ATG14: variants seen among roughly 807,000 people sequenced by gnomAD.
The protein encoded by ATG14 is autophagy related 14, also known as beclin 1-associated autophagy-related key regulator.
ATG14 carries 35 observed loss-of-function variants against 60.4 expected under a neutral mutation model. The observed-to-expected ratio is 0.58, with a 90% CI of 0.44 to 0.77. ATG14 has a LOEUF of 0.77. ATG14 is among the 30% of genes least tolerant of loss of function. The probability of loss-of-function intolerance (pLI) is 0.00; values close to 1 mark genes in which losing one functional copy is unlikely to be tolerated. For synonymous variants in ATG14, 234 were observed against 228.8 expected, an observed-to-expected ratio of 1.02 and a Z score of -0.21; for missense variants, 647 against 626.3, an observed-to-expected ratio of 1.03 and a Z score of -0.35.
chr14:55,372,909 C>A (rs145412109), intron 9 of ATG14, among the ~76,000 whole-genome samples: 1 of 152,136 alleles, frequency 6.6e-6, no homozygotes, highest in Non-Finnish European at 1.5e-5. Context: ...CAGCTAAGTA[C>A]AATGAAAAGC....
At chr14:55,397,943 CTTTTTT>C (rs928087584) in intron 1 of ATG14, among the ~76,000 whole-genome samples, 1 of 105,558 alleles carries the variant, frequency 9.5e-6, no homozygotes, top group African/African-American at 3.9e-5. Flanking sequence ...TGCAGTAATT[CTTTTTT>C]TTTTTTTTTT....
Position 55,378,004 on chromosome 14 carries a change from G to C in ATG14, c.1066C>G (p.Leu356Val). 6.2e-7 allele frequency: 1 copy of C among 1,611,916 alleles called. No homozygotes were observed. Among genetic ancestry groups the C allele is most frequent in the South Asian group, 1.1e-5 (1 of 90,840 alleles). Reference protein sequence around the residue: ...RAVKKLNANILYLCFSQHVNL... With the variant: ...RAVKKLNANIVYLCFSQHVNL... ...CATACCTGAGAAAAACAAAGGTAAA[G>C]AATATTTGCATTCAGTTTCTTCACT... The change falls in exon 8 of 10, where the codon CTT becomes GTT. Residue 356 changes from leucine to valine, a missense_variant. Transcript: ENST00000247178.
intron 9 of ATG14, among the ~76,000 whole-genome samples, chr14:55,375,490 ATTTTTTTTTTT>A (rs779634897): frequency 6.8e-5 from 8 of 117,806 alleles, no homozygotes; most frequent in African/African-American, 2.7e-4. Context: ...GCCGGGCTAA[ATTTTTTTTTTT>A]TTTTTTTTTT....
In ATG14 at chr14:55,411,791, G is replaced by T; in HGVS notation, c.32C>A (p.Ala11Glu). 6.2e-7 allele frequency: 1 copy of T among 1,600,742 alleles called. No individual in the cohort carries two copies. Among genetic ancestry groups the T allele is most frequent in the East Asian group, 2.3e-5 (1 of 44,440 alleles). ...GGGCCCGCAGCCAGGAGCCTCCAGC[G>T]CCCGGGCTCCCTTCCCACTGGGAGA... MASPSGKGAR[A>E]LEAPGCGPRP... The change falls in exon 1 of 10, where the codon GCG becomes GAG. Residue 11 changes from alanine (A) to glutamate (E), a missense_variant. Ala to Glu is a moderately radical substitution (Grantham distance 107). Transcript: ENST00000247178.
chr14:55,395,984 T>C lies in ATG14; in HGVS notation c.285-2A>G. The C allele has an allele frequency of 6.3e-7, 1 of 1,583,762 alleles. No homozygotes were observed. Among genetic ancestry groups the C allele is most frequent in the African/African-American group, 1.4e-5 (1 of 73,614 alleles). On this transcript the variant is annotated splice_acceptor_variant, in intron 2 of 9. Transcript: ENST00000247178. LOFTEE classifies it high-confidence loss of function. ...TTTCCTTCCATAGCTTTTAACACTC[T>C]GTGAGGAAAAGAGACAGAAAATAAG...
At chr14:55,397,565 G>A (rs969514219) in intron 1 of ATG14, 131 bp from the exon 2 acceptor site, 8 of 731,130 alleles carry the variant, frequency 1.1e-5, no homozygotes, top group East Asian at 2.7e-5. Flanking sequence ...GTAAATACAC[G>A]TCTTCTCAAC....
intron 3 of ATG14, 37 bp downstream of exon 3, chr14:55,395,903 G>GT: frequency 6.9e-7 from 1 of 1,448,128 alleles, no homozygotes; most frequent in Non-Finnish European, 9.2e-7. Flanking sequence ...TTAAAAACAT[G>GT]TAGCCTCAAG....
At chr14:55,392,756 G>A (rs1885241117) in intron 3 of ATG14, among the ~76,000 whole-genome samples, 1 of 151,606 alleles carries the variant, frequency 6.6e-6, no homozygotes, top group African/African-American at 2.4e-5. Flanking sequence ...ATGCTCAAAT[G>A]TTCATGGTGT....
intron 9 of ATG14, among the ~76,000 whole-genome samples, chr14:55,372,466 A>T (rs965093780): frequency 6.6e-6 from 1 of 152,148 alleles, no homozygotes; most frequent in Admixed American, 6.6e-5. Context: ...ACTGACTGCC[A>T]GGCTAAGTCT....
intron 4 of ATG14, among the ~76,000 whole-genome samples, chr14:55,386,437 A>G (rs1885127168): frequency 6.6e-6 from 1 of 152,200 alleles, no homozygotes; most frequent in Non-Finnish European, 1.5e-5. Flanking sequence ...CAGAAAAGAG[A>G]TCTAATTCAA....
At chr14:55,403,104 G>C (rs901790607) in intron 1 of ATG14, among the ~76,000 whole-genome samples, 1 of 150,302 alleles carries the variant, frequency 6.7e-6, no homozygotes, top group African/African-American at 2.4e-5. Context: ...GGATGGCAGA[G>C]TGAGAACCTG....
intron 9 of ATG14, among the ~76,000 whole-genome samples, chr14:55,372,058 A>G (rs1884831218): frequency 6.6e-6 from 1 of 151,896 alleles, no homozygotes; most frequent in Non-Finnish European, 1.5e-5. Context: ...TCTACTCTAG[A>G]GCCATCTTTT....
Position 55,368,899 on chromosome 14 carries a change from C to T in ATG14, c.*720G>A, listed in dbSNP as rs1053202219. 1 of 152,372 alleles carries T rather than the reference C, an allele frequency of 6.6e-6. No homozygotes were observed. The highest frequency in any genetic ancestry group is 2.4e-5 in the African/African-American group (1 of 41,422). 9.4% of individuals were successfully genotyped at this position (152,372 alleles called of 1,614,324 possible). A position where few individuals can be genotyped will look rare whatever the true frequency, so the allele number is the denominator to read the frequency against. On this transcript the variant is annotated 3_prime_UTR_variant, in exon 10 of 10. Transcript: ENST00000247178. ...AATAAGCTTAATTCCCCTCAGAATA[C>T]AAGAAAATAGTTAAAAACTCTCTAG... is the stretch of plus-strand genomic sequence containing the variant.
chr14:55,369,189 T>C lies in ATG14; in HGVS notation c.*430A>G, dbSNP rs913446520. ...AGAGCTTTTATCTTTCATGTCCTAA[T>C]AATCAAGAATCACCTCTTGTGATTC... On this transcript the variant is annotated 3_prime_UTR_variant, in exon 10 of 10. Transcript: ENST00000247178. 1 of 154,480 alleles carries C rather than the reference T, an allele frequency of 6.5e-6. No homozygotes were observed. The highest frequency in any genetic ancestry group is 6.5e-5 in the Admixed American group (1 of 15,336). 9.6% of individuals were successfully genotyped at this position (154,480 alleles called of 1,614,324 possible).
At chr14:55,401,989 C>T (rs1054632233) in intron 1 of ATG14, among the ~76,000 whole-genome samples, 1 of 152,196 alleles carries the variant, frequency 6.6e-6, no homozygotes, top group South Asian at 2.1e-4. Context: ...ATGCGAGTCT[C>T]ACTTCCACTC....
At chr14:55,402,141 G>A (rs1468346545) in intron 1 of ATG14, among the ~76,000 whole-genome samples, 1 of 152,086 alleles carries the variant, frequency 6.6e-6, no homozygotes, top group East Asian at 1.9e-4. Flanking sequence ...TCTGTGCTAG[G>A]AATAACTAGC....
intron 1 of ATG14, 129 bp downstream of exon 1, chr14:55,411,473 C>T (rs1438471837): frequency 1.1e-6 from 1 of 917,454 alleles, no homozygotes; most frequent in African/African-American, 1.7e-5. Flanking sequence ...CAGCTAGCTA[C>T]ACTCCCTCTC....
chr14:55,370,871 C>T (rs1271520027), intron 9 of ATG14, among the ~76,000 whole-genome samples: 1 of 152,232 alleles, frequency 6.6e-6, no homozygotes, highest in South Asian at 2.1e-4. Flanking sequence ...GAACTCCTGA[C>T]CTCAAGTGAT....
At chr14:55,384,224 G>A (rs994446218) in intron 5 of ATG14, among the ~76,000 whole-genome samples, 1 of 152,204 alleles carries the variant, frequency 6.6e-6, no homozygotes, top group Admixed American at 6.5e-5. Context: ...AAACAGCACA[G>A]AAATAGTTTT....
Sources: gnomAD v4.1 joint callset for allele counts (sites outside exome capture counted in the v4.1 genomes callset) on GRCh38, gnomAD v4.1.1 for gene constraint, MANE v1.5 for transcripts, NCBI Gene and HGNC (gene_info 2026-07-23, HGNC 2026-07-21) for gene names.